Variants in NUDT4 observed in about 807,000 individuals in gnomAD.
The protein encoded by NUDT4 is nudix hydrolase 4.
NUDT4 carries 5 observed loss-of-function variants against 23.1 expected under a neutral mutation model. The ratio of observed to expected loss-of-function variants is 0.22; its 90% CI spans 0.11 to 0.46. The LOEUF is 0.46. Ranked by LOEUF, NUDT4 falls within the 20% of genes least tolerant of loss-of-function variation. The pLI is 0.99. For missense variants in NUDT4, 96 were observed against 211.6 expected, an observed-to-expected ratio of 0.45 and a Z score of 3.39; for synonymous variants, 50 against 79.0, an observed-to-expected ratio of 0.63 and a Z score of 1.95.
chr12:93,380,794 C>T (rs557054072), intron 1 of NUDT4, among the ~76,000 whole-genome samples: 48 of 152,300 alleles, frequency 3.2e-4, no homozygotes, highest in African/African-American at 1.1e-3. Flanking sequence ...CATTGCCAGA[C>T]TTCCCAGGAC....
In NUDT4 at chr12:93,403,682, T is replaced by A. The variant is rs1206293809; in HGVS notation, c.*4303T>A. On this transcript the variant is annotated 3_prime_UTR_variant, in exon 5 of 5. Coordinates refer to ENST00000415493, the MANE Select transcript of NUDT4 (RefSeq NM_019094.6). ...TTTTACAGCTTTTTTATCTATAGAC[T>A]TATACCATCTTCAAAAGCAATACAA... 3 of 152,210 alleles carry A rather than the reference T, an allele frequency of 2.0e-5. No homozygotes were observed. The highest frequency in any genetic ancestry group is 4.4e-5 in the Non-Finnish European group (3 of 68,046). The allele number at this position is 152,210 out of a possible 1,614,324, so 9.4% of individuals were successfully genotyped here.
At chr12:93,395,107 C>G (rs191061605) in intron 2 of NUDT4, among the ~76,000 whole-genome samples, 5 of 152,150 alleles carry the variant, frequency 3.3e-5, no homozygotes, top group Admixed American at 3.3e-4. Context: ...CCTCAGCCTC[C>G]CAAAGTGCTG....
In NUDT4 at chr12:93,406,935, G is replaced by A. The variant is rs576856182; in HGVS notation, c.*7556G>A. The A allele has an allele frequency of 1.1e-4, 16 of 152,186 alleles. No homozygotes were observed. The highest frequency in any genetic ancestry group is 2.2e-4 in the African/African-American group (9 of 41,442). 9.4% of individuals were successfully genotyped at this position (152,186 alleles called of 1,614,324 possible). On this transcript the variant is annotated 3_prime_UTR_variant, in exon 5 of 5. Transcript: ENST00000415493. ...AACTAGAGCAGAAGCAAATCGCAGC[G>A]AAGTAGACTACAACAATCAAGTCAA... is the stretch of plus-strand genomic sequence containing the variant.
At chr12:93,381,121 T>G (rs1875631074) in intron 1 of NUDT4, 2 of 152,246 alleles carry the variant, frequency 1.3e-5, no homozygotes, top group Non-Finnish European at 2.9e-5. Context: ...ATATATTAAA[T>G]ATTTTCCATT....
Position 93,406,695 on chromosome 12 carries a change from T to G in NUDT4, c.*7316T>G, listed in dbSNP as rs1877837225. On this transcript the variant is annotated 3_prime_UTR_variant, in exon 5 of 5. Transcript: ENST00000415493. ...GTAACTATTTACATAGCACTTACATTATAATAGGTATTATAAGTAATCTAA... is the reference window on the plus strand; with the variant it reads ...GTAACTATTTACATAGCACTTACATGATAATAGGTATTATAAGTAATCTAA... 6.6e-6 allele frequency: 1 copy of G among 152,234 alleles called. No individual in the cohort carries two copies. Among genetic ancestry groups the G allele is most frequent in the Non-Finnish European group, 1.5e-5 (1 of 68,040 alleles). 9.4% of individuals were successfully genotyped at this position (152,234 alleles called of 1,614,324 possible).
chr12:93,385,970 T>TATATATATATATATATACAC (rs1243696865), intron 1 of NUDT4, among the ~76,000 whole-genome samples: 1 of 118,624 alleles, frequency 8.4e-6, no homozygotes, highest in Non-Finnish European at 1.8e-5. Context: ...TATATATATA[T>TATATATATATATATATACAC]ACATAATTTT....
chr12:93,393,090 C>G (rs930788976), intron 1 of NUDT4, among the ~76,000 whole-genome samples: 9 of 114,876 alleles, frequency 7.8e-5, no homozygotes, highest in Admixed American at 1.8e-4. Flanking sequence ...AGATTTCAGT[C>G]TTTTTTTTTT....
At chr12:93,384,269 G>A (rs1050380186) in intron 1 of NUDT4, among the ~76,000 whole-genome samples, 1 of 152,008 alleles carries the variant, frequency 6.6e-6, no homozygotes, top group Non-Finnish European at 1.5e-5. Flanking sequence ...CTGGATTCAA[G>A]CGATTCTCCT....
At chr12:93,394,800 C>T (rs1372677596) in intron 2 of NUDT4, 81 bp downstream of exon 2, 12 of 827,994 alleles carry the variant, frequency 1.4e-5, no homozygotes, top group South Asian at 5.9e-5. Context: ...GACAGCGAGA[C>T]GGGTCCAGGA....
chr12:93,382,386 AATAT>A (rs1175155292), intron 1 of NUDT4, among the ~76,000 whole-genome samples: 2 of 152,124 alleles, frequency 1.3e-5, no homozygotes, highest in Non-Finnish European at 2.9e-5. Context: ...TATAATGCTG[AATAT>A]ATATTCCTGA....
chr12:93,404,017 A>G lies in NUDT4; in HGVS notation c.*4638A>G, dbSNP rs1877652215. 6.6e-6 allele frequency: 1 copy of G among 152,214 alleles called. No individual in the cohort carries two copies. The highest frequency in any genetic ancestry group is 1.5e-5 in the Non-Finnish European group (1 of 68,022). 9.4% of individuals were successfully genotyped at this position (152,214 alleles called of 1,614,324 possible). ...GGTATTACTCTTAATGCATTTTTGTAACATTTGACAAACATCTCCCAATAT... is the reference window on the plus strand; with the variant it reads ...GGTATTACTCTTAATGCATTTTTGTGACATTTGACAAACATCTCCCAATAT... On this transcript the variant is annotated 3_prime_UTR_variant, in exon 5 of 5. Transcript: ENST00000415493.
Position 93,395,379 on chromosome 12 carries a change from AG to A in NUDT4, c.211-106del, listed in dbSNP as rs529115142. On this transcript the variant is annotated intron_variant, in intron 2 of 4. Coordinates refer to ENST00000415493, the MANE Select transcript of NUDT4 (RefSeq NM_019094.6). The stretch of plus-strand genomic sequence containing the variant: ...AGGAAGATAGTGAGTTGGTATGGGG[AG>A]GGGTATTGTATTTAATTAGATTTAA... 1.7e-4 allele frequency: 132 copies of A among 758,062 alleles called. No individual in the cohort carries two copies. The African/African-American group carries it at 1.8e-3, about 10-fold the overall frequency. The allele number at this position is 758,062 out of a possible 1,614,324, so 47.0% of individuals were successfully genotyped here. A position where few individuals can be genotyped will look rare whatever the true frequency, so the allele number is the denominator to read the frequency against.
chr12:93,395,674 G>T, intron 3 of NUDT4, 141 bp downstream of exon 3: 1 of 577,214 alleles, frequency 1.7e-6, no homozygotes, highest in South Asian at 2.6e-5. Context: ...TAGGTAGGGA[G>T]GGAAGTAAAA....
rs1877733279 is a variant in NUDT4, at chr12:93,405,135, G to C, written c.*5756G>C. On this transcript the variant is annotated 3_prime_UTR_variant, in exon 5 of 5. Transcript: ENST00000415493. ...TAAAACCTAAGAGAAACAGCACCAAGTTCAATCTAGTGCAATCAGCCTATC... is the reference window on the plus strand; with the variant it reads ...TAAAACCTAAGAGAAACAGCACCAACTTCAATCTAGTGCAATCAGCCTATC... 1.3e-5 allele frequency: 2 copies of C among 152,174 alleles called. No homozygotes were observed. The highest frequency in any genetic ancestry group is 2.9e-5 in the Non-Finnish European group (2 of 68,030). The allele number at this position is 152,174 out of a possible 1,614,324, so 9.4% of individuals were successfully genotyped here.
chr12:93,388,974 A>T (rs979609174), intron 1 of NUDT4, among the ~76,000 whole-genome samples: 1 of 152,232 alleles, frequency 6.6e-6, no homozygotes, highest in Non-Finnish European at 1.5e-5. Context: ...TAATTGGCAG[A>T]TCAAGGGCCC....
chr12:93,395,454 A>AG, intron 2 of NUDT4, 35 bp from the exon 3 acceptor site: 1 of 1,470,996 alleles, frequency 6.8e-7, no homozygotes, highest in Non-Finnish European at 9.5e-7. Flanking sequence ...TGTTATAAAA[A>AG]GGTAAACATT....
chr12:93,394,746 GT>G (rs1303507879), intron 2 of NUDT4, 27 bp downstream of exon 2: 1 of 1,434,144 alleles, frequency 7.0e-7, no homozygotes, highest in Non-Finnish European at 9.6e-7. Context: ...CACAAATTCT[GT>G]TTCGGAGTTT....
chr12:93,384,303 G>A (rs949269153), intron 1 of NUDT4, among the ~76,000 whole-genome samples: 1 of 152,084 alleles, frequency 6.6e-6, no homozygotes, highest in Non-Finnish European at 1.5e-5. Context: ...GAGTAGCTGA[G>A]ACTACAGGCG....
chr12:93,384,562 T>C (rs937424650), intron 1 of NUDT4, among the ~76,000 whole-genome samples: 1 of 152,164 alleles, frequency 6.6e-6, no homozygotes, highest in Non-Finnish European at 1.5e-5. Context: ...GCTGGTAAGC[T>C]AAAAAAGTAA....
Sources: allele counts gnomAD v4.1 joint callset (sites outside exome capture counted in the v4.1 genomes callset), GRCh38; gene constraint gnomAD v4.1.1; transcripts MANE v1.5; gene names NCBI Gene and HGNC (gene_info 2026-07-23, HGNC 2026-07-21).